Variants in LRRC47 observed in about 807,000 individuals in gnomAD.
LRRC47 encodes leucine rich repeat containing 47.
A neutral mutation model predicts 40.9 loss-of-function variants in LRRC47; 31 were observed. That is an observed-to-expected ratio of 0.76 (90% CI 0.57 to 1.02). The LOEUF is 1.02. Ranked by LOEUF, LRRC47 falls within the 50% of genes least tolerant of loss-of-function variation. LRRC47 has a pLI of 0.00. For missense variants in LRRC47, 726 were observed against 796.1 expected (o/e 0.91, Z 1.06); for synonymous variants, 427 against 371.9 (o/e 1.15, Z -1.70).
At chr1:3,784,132 A>G in intron 3 of LRRC47, 21 bp from the exon 4 acceptor site, 1 of 1,585,748 alleles carries the variant, frequency 6.3e-7, no homozygotes, top group Non-Finnish European at 8.6e-7. Context: ...GAAACCCACA[A>G]ACTCCACTAG....
intron 5 of LRRC47, among the ~76,000 whole-genome samples, chr1:3,782,220 CTTTT>C (rs146141267): frequency 1.4e-5 from 2 of 147,460 alleles, no homozygotes; most frequent in African/African-American, 5.0e-5. Context: ...TCTTCCTCTT[CTTTT>C]TTTTTTTCTG....
chr1:3,788,695 T>G (rs1324365851), intron 1 of LRRC47, among the ~76,000 whole-genome samples: 1 of 151,988 alleles, frequency 6.6e-6, no homozygotes, highest in Non-Finnish European at 1.5e-5. Flanking sequence ...AGAAATGGGA[T>G]GGCGCTCAGA....
Position 3,786,916 on chromosome 1 carries a change from A to G in LRRC47, c.1010T>C (p.Val337Ala), listed in dbSNP as rs781422087. Reference sequence around the variant, plus strand: ...GTCCATGCCTCGCACCACGGCCCCCACAATGTAGGGCCGCACATCCCGGAC... The same window carrying G: ...GTCCATGCCTCGCACCACGGCCCCCGCAATGTAGGGCCGCACATCCCGGAC... ...PEVRDVRPYIVGAVVRGMDLQ... is the reference protein window; with the variant it reads ...PEVRDVRPYIAGAVVRGMDLQ... The change falls in exon 2 of 7, where the codon GTG becomes GCG. Residue 337 changes from valine to alanine, a missense_variant. By Grantham distance (64) the Val-to-Ala change is moderately conservative (BLOSUM62 0). Coordinates refer to ENST00000378251, the MANE Select transcript of LRRC47 (RefSeq NM_020710.3). 6.2e-7 allele frequency: 1 copy of G among 1,607,440 alleles called. No individual in the cohort carries two copies. The highest frequency in any genetic ancestry group is 8.5e-7 in the Non-Finnish European group (1 of 1,177,266).
intron 1 of LRRC47, 115 bp from the exon 2 acceptor site, chr1:3,787,425 C>G: frequency 1.9e-6 from 2 of 1,032,732 alleles, no homozygotes; most frequent in Non-Finnish European, 2.7e-6. Flanking sequence ...ACTGGCCTGT[C>G]TGTGGGGACG....
In LRRC47 at chr1:3,796,070, AG is replaced by A; in HGVS notation, c.406del (p.Leu136SerfsTer30). ...PGLPQLQSLN[L>X]SGNRLRELPA... ...CAGCTCGCGCAGCCGGTTGCCGCTG[AG>A]GTTGAGGCTCTGCAGCTGCGGAAGG... On this transcript the variant is annotated frameshift_variant, in exon 1 of 7. Transcript: ENST00000378251. LOFTEE classifies it high-confidence loss of function. 6.6e-7 allele frequency: 1 copy of A among 1,526,624 alleles called. No homozygotes were observed. The highest frequency in any genetic ancestry group is 2.6e-5 in the East Asian group (1 of 38,568). 94.6% of individuals were successfully genotyped at this position (1,526,624 alleles called of 1,614,324 possible). A position where few individuals can be genotyped will look rare whatever the true frequency, so the allele number is the denominator to read the frequency against.
In LRRC47 at chr1:3,786,924, G is replaced by A; in HGVS notation, c.1002C>T (p.Pro334=). The stretch of plus-strand genomic sequence containing the variant: ...CTCGCACCACGGCCCCCACAATGTA[G>A]GGCCGCACATCCCGGACCTCGGGGC... ...RVSPEVRDVR[P]YIVGAVVRGM... is the part of the protein sequence containing the mutation. Residue 334 remains proline, a synonymous_variant, in exon 2 of 7, where the codon CCC becomes CCT. Transcript: ENST00000378251. 2 of 1,607,740 alleles carry A rather than the reference G, an allele frequency of 1.2e-6. No homozygotes were observed. The highest frequency in any genetic ancestry group is 1.7e-6 in the Non-Finnish European group (2 of 1,177,366).
Position 3,780,328 on chromosome 1 carries a change from G to A in LRRC47, c.*760C>T, listed in dbSNP as rs1253130669. On this transcript the variant is annotated 3_prime_UTR_variant, in exon 7 of 7. Transcript: ENST00000378251. ...CTACTTGATCTACAAGGCCAACGAC[G>A]AGAGCCCAGACCAGGATTCCAAACA... The A allele has an allele frequency of 2.6e-5, 4 of 152,240 alleles. No individual in the cohort carries two copies. Among genetic ancestry groups the A allele is most frequent in the East Asian group, 1.9e-4 (1 of 5,170 alleles). The allele number at this position is 152,240 out of a possible 1,614,324, so 9.4% of individuals were successfully genotyped here.
intron 3 of LRRC47, 23 bp from the exon 4 acceptor site, chr1:3,784,134 C>T (rs199585760): frequency 1.9e-6 from 3 of 1,583,350 alleles, no homozygotes; most frequent in East Asian, 4.6e-5. Context: ...AACCCACAAA[C>T]TCCACTAGGG....
In LRRC47 at chr1:3,790,174, G is replaced by A. The variant is rs1263080909; in HGVS notation, c.616-2864C>T. ...TTCCGGGCCCATGGCTTTTGCAGGGGACCTGCTGCCGGGGAAGGATCCTAA... is the reference window on the plus strand; with the variant it reads ...TTCCGGGCCCATGGCTTTTGCAGGGAACCTGCTGCCGGGGAAGGATCCTAA... On this transcript the variant is annotated intron_variant, in intron 1 of 6. Coordinates refer to ENST00000378251, the MANE Select transcript of LRRC47 (RefSeq NM_020710.3). Among the ~76,000 whole-genome samples the A allele has an allele frequency of 2.6e-5, 4 of 152,344 alleles. No homozygotes were observed. In the East Asian group the frequency reaches 7.7e-4, roughly 29 times the overall value.
chr1:3,779,437 GT>G lies in LRRC47; in HGVS notation c.*1650del, dbSNP rs1643497589. On this transcript the variant is annotated 3_prime_UTR_variant, in exon 7 of 7. Transcript: ENST00000378251. ...CCCAGATCGTAAGGCAGTGGGGTCT[GT>G]AAAATCATCGCGGTGGCTGGCCGTG... 6.6e-6 allele frequency: 1 copy of G among 152,220 alleles called. No homozygotes were observed. The highest frequency in any genetic ancestry group is 2.1e-4 in the South Asian group (1 of 4,832). 9.4% of individuals were successfully genotyped at this position (152,220 alleles called of 1,614,324 possible).
At position 3,796,446 on chromosome 1, in the gene LRRC47, G is replaced by A. The variant is rs1643677494; in HGVS notation, c.31C>T (p.Pro11Ser). The stretch of plus-strand genomic sequence containing the variant: ...TCGCGCTCAGCCAGCTCCAGCTCCG[G>A]CCAAGACTCTGACACCGCTGCCGCC... MAAAAVSESW[P>S]ELELAERERR... Residue 11 changes from proline to serine, a missense_variant, in exon 1 of 7, where the codon CCG becomes TCG. Pro to Ser is a moderately conservative substitution (Grantham distance 74). Transcript: ENST00000378251. 1 of 1,523,142 alleles carries A rather than the reference G, an allele frequency of 6.6e-7. No homozygotes were observed. The allele number at this position is 1,523,142 out of a possible 1,614,324, so 94.4% of individuals were successfully genotyped here. A position where few individuals can be genotyped will look rare whatever the true frequency, so the allele number is the denominator to read the frequency against.
intron 1 of LRRC47, among the ~76,000 whole-genome samples, chr1:3,792,503 C>T (rs1643636018): frequency 1.3e-5 from 2 of 150,814 alleles, no homozygotes; most frequent in South Asian, 4.2e-4. Context: ...CTTTCTCACC[C>T]AGGCTGGAGT....
At chr1:3,792,835 G>A (rs1643640156) in intron 1 of LRRC47, among the ~76,000 whole-genome samples, 1 of 152,216 alleles carries the variant, frequency 6.6e-6, no homozygotes. Context: ...CTTACATGAT[G>A]TAAGGCACAA....
rs141952672 is a variant in LRRC47 at position 3,781,113 on chromosome 1, G to A, written c.1727C>T (p.Pro576Leu). 315 of 1,613,950 alleles carry A rather than the reference G, an allele frequency of 2.0e-4. No individual in the cohort carries two copies. Among genetic ancestry groups the A allele is most frequent in the Non-Finnish European group, 2.5e-4 (297 of 1,180,034 alleles). ...TCAGCGCACGACAGTCACGTGGGGA[G>A]GGGCAGTGGCCAGGTCGGCCTTGGA... Reference protein sequence around the residue: ...YPSKADLATAPPHVTVVR With the variant: ...YPSKADLATALPHVTVVR Residue 576 changes from proline (P) to leucine (L), a missense_variant, in exon 7 of 7, where the codon CCT (proline) becomes CTT (leucine). Pro to Leu is a moderately conservative substitution (Grantham distance 98). Coordinates refer to ENST00000378251, the MANE Select transcript of LRRC47 (RefSeq NM_020710.3).
rs138437040 is a variant in LRRC47 at position 3,790,609 on chromosome 1, G to A, written c.616-3299C>T. 2.6e-4 allele frequency among the ~76,000 whole-genome samples: 40 copies of A among 152,334 alleles called. 1 individual carries two copies. The highest frequency in any genetic ancestry group is 9.1e-4 in the African/African-American group (38 of 41,584). Reference sequence around the variant, plus strand: ...CAGCGGGAAGCAGCCAGGGAGGGCCGGCCGGGTGCTCTCAGGTCTCAGCAA... The same window carrying A: ...CAGCGGGAAGCAGCCAGGGAGGGCCAGCCGGGTGCTCTCAGGTCTCAGCAA... On this transcript the variant is annotated intron_variant, in intron 1 of 6. Coordinates refer to ENST00000378251, the MANE Select transcript of LRRC47 (RefSeq NM_020710.3).
rs555400682 is a variant in LRRC47 at position 3,784,239 on chromosome 1, G to C, written c.1195-128C>G. The stretch of plus-strand genomic sequence containing the variant: ...CCCTCATTCATCTCTACAGCAGGCA[G>C]GGAGCATCCCACGGGACCACGCAGC... On this transcript the variant is annotated intron_variant, in intron 3 of 6. Coordinates refer to ENST00000378251, the MANE Select transcript of LRRC47 (RefSeq NM_020710.3). 6 of 766,690 alleles carry C rather than the reference G, an allele frequency of 7.8e-6. No individual in the cohort carries two copies. The African/African-American group carries it at 8.6e-5, about 11-fold the overall frequency. The allele number at this position is 766,690 out of a possible 1,614,324, so 47.5% of individuals were successfully genotyped here.
chr1:3,781,629 G>A, intron 5 of LRRC47, 28 bp from the exon 6 acceptor site: 1 of 1,567,538 alleles, frequency 6.4e-7, no homozygotes, highest in Non-Finnish European at 8.7e-7. Flanking sequence ...TTTCAGAAAA[G>A]AACAGTTATC....
At chr1:3,783,305 A>G (rs1643539522) in intron 4 of LRRC47, among the ~76,000 whole-genome samples, 1 of 151,482 alleles carries the variant, frequency 6.6e-6, no homozygotes, top group Non-Finnish European at 1.5e-5. Context: ...CTGTAATCCC[A>G]GCTACTCGGG....
chr1:3,782,557 A>T, intron 5 of LRRC47, 104 bp downstream of exon 5: 1 of 741,604 alleles, frequency 1.3e-6, no homozygotes, highest in Non-Finnish European at 2.5e-6. Flanking sequence ...GTCTCCCAAA[A>T]TGCTGGGATT....
Sources: allele counts gnomAD v4.1 joint callset (sites outside exome capture counted in the v4.1 genomes callset), GRCh38; gene constraint gnomAD v4.1.1; transcripts MANE v1.5; gene names NCBI Gene and HGNC (gene_info 2026-07-23, HGNC 2026-07-21).